The following SORBS2 variants were observed in gnomAD, a reference collection of about 807,000 sequenced individuals.
The protein encoded by SORBS2 is sorbin and SH3 domain-containing protein 2.
In SORBS2, 46 loss-of-function variants were observed where a neutral mutation model predicts 97.7. The ratio of observed to expected loss-of-function variants is 0.47; its 90% CI spans 0.37 to 0.60. SORBS2 has a LOEUF of 0.60. Among genes scored for constraint, SORBS2 ranks in the 20% least tolerant of loss-of-function variants. SORBS2 has a pLI of 0.00. For missense variants in SORBS2, 1,316 were observed against 1,282.3 expected, an observed-to-expected ratio of 1.03 and a Z score of -0.40; for synonymous variants, 476 against 473.4, an observed-to-expected ratio of 1.01 and a Z score of -0.07.
chr4:185,636,648 ATTT>A (rs1228463050), intron 4 of SORBS2, among the ~76,000 whole-genome samples: 3 of 133,974 alleles, frequency 2.2e-5, no homozygotes, highest in Admixed American at 7.6e-5. Context: ...CCAGTTGACT[ATTT>A]TTTTTTTTTT....
chr4:185,618,067 C>T (rs1244584010), intron 9 of SORBS2, among the ~76,000 whole-genome samples: 3 of 152,146 alleles, frequency 2.0e-5, no homozygotes, highest in African/African-American at 4.8e-5. Flanking sequence ...GTCTACCTCC[C>T]GGTGAAGCGA....
intron 2 of SORBS2, among the ~76,000 whole-genome samples, chr4:185,680,031 T>A (rs1219666796): frequency 1.3e-5 from 2 of 152,196 alleles, no homozygotes; most frequent in South Asian, 4.1e-4. Flanking sequence ...TTCTTTATGA[T>A]CATTGATAAC....
chr4:185,762,045 A>T lies in SORBS2; in HGVS notation c.-198+13182T>A, dbSNP rs537688183. On this transcript the variant is annotated intron_variant, in intron 2 of 20. Transcript: ENST00000284776. The stretch of plus-strand genomic sequence containing the variant: ...GTTACACGGAAGGCAGAGAGAATGG[A>T]TGTAAAGTGTAGTCAGGATACTACT... Among the ~76,000 whole-genome samples the T allele has an allele frequency of 7.2e-5, 11 of 152,344 alleles. No homozygotes were observed. In the South Asian group the frequency reaches 1.9e-3, roughly 26 times the overall value.
chr4:185,717,059 G>T (rs1583324480), intron 2 of SORBS2, among the ~76,000 whole-genome samples: 1 of 152,284 alleles, frequency 6.6e-6, no homozygotes, highest in Non-Finnish European at 1.5e-5. Flanking sequence ...GGACACTTTA[G>T]TGCTCATTCT....
At chr4:185,731,866 C>CTCTCTCTCTGTATA (rs1286500642) in intron 2 of SORBS2, among the ~76,000 whole-genome samples, 1 of 24,676 alleles carries the variant, frequency 4.1e-5, no homozygotes. Flanking sequence ...CTCTCTCTCT[C>CTCTCTCTCTGTATA]TATATATATA....
exon 14 of SORBS2, chr4:185,589,709 T>C: frequency 6.2e-7 from 1 of 1,611,680 alleles, no homozygotes; most frequent in Non-Finnish European, 8.5e-7. Flanking sequence ...CACTTTTCCA[T>C]GACATCAATG....
Position 185,668,701 on chromosome 4 carries a change from T to C in SORBS2, c.-45-6459A>G, listed in dbSNP as rs577277855. On this transcript the variant is annotated intron_variant, in intron 4 of 20. Coordinates refer to the SORBS2 transcript ENST00000284776. Reference sequence around the variant, plus strand: ...TTCCCAATCTGGACTACCTCAAAAATAGGGAAAACTGGCTTTAAACAAGTG... The same window carrying C: ...TTCCCAATCTGGACTACCTCAAAAACAGGGAAAACTGGCTTTAAACAAGTG... Among the ~76,000 whole-genome samples, 211 of 152,218 alleles carry C rather than the reference T, an allele frequency of 1.4e-3. 2 individuals carry two copies. In the South Asian group the frequency reaches 0.043, roughly 31 times the overall value.
intron 12 of SORBS2, among the ~76,000 whole-genome samples, chr4:185,601,378 C>T (rs2096258218): frequency 6.6e-6 from 1 of 152,154 alleles, no homozygotes; most frequent in South Asian, 2.1e-4. Flanking sequence ...ACTTGGCCTT[C>T]AAGGGAGAAG....
intron 4 of SORBS2, among the ~76,000 whole-genome samples, chr4:185,670,237 T>C (rs2097692320): frequency 6.6e-6 from 1 of 152,002 alleles, no homozygotes; most frequent in African/African-American, 2.4e-5. Context: ...AAAAAAAAGG[T>C]TTATTTTGCT....
chr4:185,668,725 T>G (rs6552906), intron 4 of SORBS2, among the ~76,000 whole-genome samples: 144,874 of 152,212 alleles, frequency 0.95, 69,379 homozygotes, highest in East Asian at 1. Flanking sequence ...TTTAAACAAG[T>G]GTATTTTTTT....
At chr4:185,903,935 G>A (rs962633764) in intron 1 of SORBS2, among the ~76,000 whole-genome samples, 1 of 152,100 alleles carries the variant, frequency 6.6e-6, no homozygotes, top group African/African-American at 2.4e-5. Context: ...GAAAACTAGT[G>A]GCCTGTAGAT....
intron 1 of SORBS2, among the ~76,000 whole-genome samples, chr4:185,867,339 A>C (rs1418474597): frequency 6.6e-6 from 1 of 152,186 alleles, no homozygotes; most frequent in Non-Finnish European, 1.5e-5. Context: ...TGAAAATAGA[A>C]CTTCCTATTA....
At chr4:185,842,923 G>A (rs2099212451) in intron 1 of SORBS2, among the ~76,000 whole-genome samples, 1 of 108,756 alleles carries the variant, frequency 9.2e-6, no homozygotes, top group Non-Finnish European at 1.8e-5. Flanking sequence ...GACAGAGAAA[G>A]ACTGTCTAAA....
intron 2 of SORBS2, among the ~76,000 whole-genome samples, chr4:185,727,915 T>A (rs2098572480): frequency 6.6e-6 from 1 of 152,244 alleles, no homozygotes; most frequent in Admixed American, 6.5e-5. Flanking sequence ...ATGGTTGGCT[T>A]TTATGATTAA....
chr4:185,841,049 G>A (rs569555732), intron 1 of SORBS2, among the ~76,000 whole-genome samples: 25 of 151,956 alleles, frequency 1.6e-4, no homozygotes, highest in South Asian at 4.1e-4. Context: ...AGAAGGCAAC[G>A]TGGGTGAGAC....
In SORBS2 at chr4:185,827,750, C is replaced by T. The variant is rs199814598; in HGVS notation, c.-337-52384G>A. Among the ~76,000 whole-genome samples the T allele has an allele frequency of 5.4e-3, 193 of 36,024 alleles. 1 individual carries two copies. The highest frequency in any genetic ancestry group is 0.02 in the African/African-American group (183 of 9,116). 23.6% of individuals were successfully genotyped at this position (36,024 alleles called of 152,430 possible). ...ATCACCATCATCATCACCATCATCA[C>T]CATCATCACCATCATCATCACCATC... On this transcript the variant is annotated intron_variant, in intron 1 of 20. Transcript: ENST00000284776.
chr4:185,936,008 T>C (rs2099268767), intron 1 of SORBS2, among the ~76,000 whole-genome samples: 2 of 152,180 alleles, frequency 1.3e-5, no homozygotes, highest in Non-Finnish European at 2.9e-5. Context: ...TGCACCACCA[T>C]GCCTGGCTAA....
At chr4:185,709,139 C>G (rs11735965) in intron 2 of SORBS2, among the ~76,000 whole-genome samples, 1 of 152,194 alleles carries the variant, frequency 6.6e-6, no homozygotes, top group East Asian at 1.9e-4. Context: ...CTGCCTCAAC[C>G]TCCCAGGTAG....
chr4:185,628,161 G>T (rs2096848843), intron 5 of SORBS2, among the ~76,000 whole-genome samples: 1 of 152,098 alleles, frequency 6.6e-6, no homozygotes, highest in African/African-American at 2.4e-5. Flanking sequence ...GCTGGTTTTT[G>T]TGTGAACCTA....
Sources: gnomAD v4.1 joint callset for allele counts (sites outside exome capture counted in the v4.1 genomes callset) on GRCh38, gnomAD v4.1.1 for gene constraint, MANE v1.5 for transcripts, NCBI Gene and HGNC (gene_info 2026-07-23, HGNC 2026-07-21) for gene names.